BOLL: variants seen among roughly 807,000 people sequenced by gnomAD.
BOLL encodes the protein boule RNA binding protein.
In BOLL, 23 loss-of-function variants were observed where a neutral mutation model predicts 44.4. That is an observed-to-expected ratio of 0.52 (90% CI 0.37 to 0.73). The LOEUF (loss-of-function observed/expected upper bound fraction) is 0.73. BOLL is among the 30% of genes least tolerant of loss of function. The pLI, the probability that BOLL is intolerant of heterozygous loss-of-function variation, is 0.00. For missense variants in BOLL, 287 were observed against 338.3 expected, an observed-to-expected ratio of 0.85 and a Z score of 1.19; for synonymous variants, 97 against 110.8, an observed-to-expected ratio of 0.88 and a Z score of 0.78.
At chr2:197,775,405 C>T (rs987952019) in intron 5 of BOLL, among the ~76,000 whole-genome samples, 7 of 151,476 alleles carry the variant, frequency 4.6e-5, no homozygotes, top group East Asian at 3.9e-4. Flanking sequence ...ATTTTCATCA[C>T]GAAAGATTTT....
intron 9 of BOLL, among the ~76,000 whole-genome samples, chr2:197,744,691 C>T (rs1687910815): frequency 6.6e-6 from 1 of 152,180 alleles, no homozygotes; most frequent in South Asian, 2.1e-4. Context: ...AATATTGCCT[C>T]TTACAAGGTG....
At chr2:197,773,931 G>A (rs1689385937) in intron 5 of BOLL, 4 of 379,830 alleles carry the variant, frequency 1.1e-5, no homozygotes, top group Admixed American at 3.4e-5. Context: ...TAATGGAGAT[G>A]GAAAGAAATG....
chr2:197,758,330 T>C (rs900675092), intron 7 of BOLL, among the ~76,000 whole-genome samples: 6 of 152,174 alleles, frequency 3.9e-5, no homozygotes, highest in Admixed American at 3.3e-4. Context: ...GAGAACGAAG[T>C]ACTGAGATAT....
chr2:197,728,930 T>C (rs1215913085), intron 10 of BOLL, among the ~76,000 whole-genome samples: 1 of 152,214 alleles, frequency 6.6e-6, no homozygotes, highest in Non-Finnish European at 1.5e-5. Flanking sequence ...GGGAATAGTA[T>C]TTTTGGCAGG....
At chr2:197,767,678 G>C (rs892344307) in intron 6 of BOLL, among the ~76,000 whole-genome samples, 1 of 151,842 alleles carries the variant, frequency 6.6e-6, no homozygotes, top group East Asian at 1.9e-4. Flanking sequence ...TCATAACTAT[G>C]GGGAGCCTAG....
Position 197,728,547 on chromosome 2 carries a change from C to T in BOLL, c.*8G>A. On this transcript the variant is annotated 3_prime_UTR_variant, in exon 11 of 11. Transcript: ENST00000392296. ...TCAGTTGAGCTGGAATAGAGCTGCC[C>T]AATTGTCTTAATAATGAATGCTCCA... 6.2e-7 allele frequency: 1 copy of T among 1,613,358 alleles called. No homozygotes were observed. Among genetic ancestry groups the T allele is most frequent in the African/African-American group, 1.3e-5 (1 of 74,928 alleles).
At chr2:197,759,134 G>C (rs894549647) in intron 7 of BOLL, 21 of 730,884 alleles carry the variant, frequency 2.9e-5, no homozygotes, top group Non-Finnish European at 4.3e-5. Context: ...GCTACAATTT[G>C]ACAGGAGCAT....
At position 197,728,425 on chromosome 2, in the gene BOLL, G is replaced by C. The variant is rs772510524; in HGVS notation, c.*130C>G. On this transcript the variant is annotated 3_prime_UTR_variant, in exon 11 of 11. Transcript: ENST00000392296. ...AGCTTATAGTGGAATAACTGAGTATGGTGAGGTATTAACTAACACTAAGTT... is the reference window on the plus strand; with the variant it reads ...AGCTTATAGTGGAATAACTGAGTATCGTGAGGTATTAACTAACACTAAGTT... 38 of 1,378,968 alleles carry C rather than the reference G, an allele frequency of 2.8e-5. No individual in the cohort carries two copies. Among genetic ancestry groups the C allele is most frequent in the Non-Finnish European group, 3.9e-5 (38 of 978,018 alleles). 85.4% of individuals were successfully genotyped at this position (1,378,968 alleles called of 1,614,324 possible).
intron 10 of BOLL, among the ~76,000 whole-genome samples, chr2:197,737,385 G>C (rs903228379): frequency 6.6e-6 from 1 of 151,926 alleles, no homozygotes; most frequent in African/African-American, 2.4e-5. Context: ...AGGAGTCTTG[G>C]TAGACACAGA....
intron 9 of BOLL, among the ~76,000 whole-genome samples, chr2:197,746,677 G>A (rs1687997524): frequency 6.6e-6 from 1 of 151,830 alleles, no homozygotes. Context: ...CGAGGCAGGC[G>A]GATCATGAGG....
Position 197,781,537 on chromosome 2 carries a change from T to C in BOLL, c.129+185A>G, listed in dbSNP as rs531559929. Among the ~76,000 whole-genome samples the C allele has an allele frequency of 2.7e-3, 405 of 152,286 alleles. 7 individuals carry two copies. The highest frequency in any genetic ancestry group is 6.0e-4 in the Non-Finnish European group (41 of 68,020). On this transcript the variant is annotated intron_variant, in intron 2 of 10. Coordinates refer to ENST00000392296, the MANE Select transcript of BOLL (RefSeq NM_033030.6). ...AGGATCAATTTCTTTATATCTGACA[T>C]TGAACAGTTTTTAATGCTTTATGTA... is the stretch of plus-strand genomic sequence containing the variant.
intron 10 of BOLL, among the ~76,000 whole-genome samples, chr2:197,732,284 C>A (rs1225360995): frequency 2.0e-5 from 3 of 151,896 alleles, no homozygotes; most frequent in African/African-American, 7.3e-5. Flanking sequence ...TCTGAATAGA[C>A]CAATAACAGG....
chr2:197,733,941 C>T (rs1367507688), intron 10 of BOLL, among the ~76,000 whole-genome samples: 2 of 152,104 alleles, frequency 1.3e-5, no homozygotes, highest in African/African-American at 4.8e-5. Context: ...GCCATGGCAA[C>T]AAAAGCCAAA....
At position 197,729,377 on chromosome 2, in the gene BOLL, G is replaced by A. The variant is rs111907763; in HGVS notation, c.829-799C>T. 6.1e-3 allele frequency among the ~76,000 whole-genome samples: 926 copies of A among 152,276 alleles called. 17 individuals are homozygous for A. Among genetic ancestry groups the A allele is most frequent in the African/African-American group, 0.021 (864 of 41,550 alleles). On this transcript the variant is annotated intron_variant, in intron 10 of 10. Coordinates refer to ENST00000392296, the MANE Select transcript of BOLL (RefSeq NM_033030.6). ...TGAGCTCTAACTGCAAGGCGGCAGC[G>A]AGGCTGGGGGAGGGGCGCCCGCCAT...
rs771349777 is a variant in BOLL, at chr2:197,743,088, C to T, written c.801G>A (p.Ala267=). 222 of 1,603,344 alleles carry T rather than the reference C, an allele frequency of 1.4e-4. No homozygotes were observed. Among genetic ancestry groups the T allele is most frequent in the Middle Eastern group, 1.7e-4 (1 of 6,030 alleles). ...VYAPSAITMP[A]PVMQPEPIKT... is the part of the protein sequence containing the mutation. ...TAATTGGCTCAGGCTGCATCACAGGCGCAGGCATAGTGATGGCACTTGGAG... is the reference window on the plus strand; with the variant it reads ...TAATTGGCTCAGGCTGCATCACAGGTGCAGGCATAGTGATGGCACTTGGAG... The change falls in exon 10 of 11, where the codon GCG becomes GCA. Residue 267 remains alanine (A), a synonymous_variant. Coordinates refer to ENST00000392296, the MANE Select transcript of BOLL (RefSeq NM_033030.6).
chr2:197,762,558 TATCTGACCACAATGGA>T (rs1257610605), intron 7 of BOLL, among the ~76,000 whole-genome samples: 1 of 152,160 alleles, frequency 6.6e-6, no homozygotes, highest in East Asian at 1.9e-4. Context: ...TAAAGTATCT[TATCTGACCACAATGGA>T]ATAAAACAAG....
At chr2:197,730,561 G>A (rs1391071026) in intron 10 of BOLL, among the ~76,000 whole-genome samples, 1 of 150,286 alleles carries the variant, frequency 6.7e-6, no homozygotes, top group Non-Finnish European at 1.5e-5. Context: ...GGCAGCCAGA[G>A]AGAAAGGTCG....
intron 9 of BOLL, among the ~76,000 whole-genome samples, chr2:197,751,985 G>A (rs1574830733): frequency 6.6e-6 from 1 of 152,134 alleles, no homozygotes; most frequent in Non-Finnish European, 1.5e-5. Context: ...GGGATGCAAG[G>A]CTGGTTCAAC....
intron 9 of BOLL, among the ~76,000 whole-genome samples, chr2:197,754,728 AAAAC>A (rs935835580): frequency 7.6e-5 from 11 of 144,520 alleles, no homozygotes; most frequent in African/African-American, 2.1e-4. Context: ...AACAAAACAA[AAAAC>A]AAACAAAAAA....
Sources: gnomAD v4.1 joint callset for allele counts (sites outside exome capture counted in the v4.1 genomes callset) on GRCh38, gnomAD v4.1.1 for gene constraint, MANE v1.5 for transcripts, NCBI Gene and HGNC (gene_info 2026-07-23, HGNC 2026-07-21) for gene names.